DCDC2C: variants seen among roughly 807,000 people sequenced by gnomAD.
The protein encoded by DCDC2C is doublecortin domain containing 2C.
In DCDC2C, 44 loss-of-function variants were observed where a neutral mutation model predicts 45.0. The ratio of observed to expected loss-of-function variants is 0.98; its 90% CI spans 0.77 to 1.26. The LOEUF is 1.26. DCDC2C is among the 50% of genes most tolerant of loss of function. DCDC2C has a pLI of 0.00. For missense variants in DCDC2C, 447 were observed against 468.9 expected (o/e 0.95, Z 0.43); for synonymous variants, 187 against 178.8 (o/e 1.05, Z -0.37).
chr2:3,748,669 C>T (rs961375446), intron 4 of DCDC2C, among the ~76,000 whole-genome samples: 4 of 152,206 alleles, frequency 2.6e-5, no homozygotes, highest in East Asian at 1.9e-4. Flanking sequence ...ATGGTATTGA[C>T]GGTTGAGGTG....
chr2:3,721,893 G>A (rs1263965575), intron 2 of DCDC2C, among the ~76,000 whole-genome samples: 1 of 152,190 alleles, frequency 6.6e-6, no homozygotes, highest in Non-Finnish European at 1.5e-5. Flanking sequence ...CTCCATGATT[G>A]TGAGGCCTCC....
chr2:3,720,950 C>G (rs1668482632), intron 2 of DCDC2C, among the ~76,000 whole-genome samples: 1 of 152,070 alleles, frequency 6.6e-6, no homozygotes, highest in Non-Finnish European at 1.5e-5. Context: ...AAATATAGGG[C>G]TCTTCAGGTT....
intron 10 of DCDC2C, among the ~76,000 whole-genome samples, chr2:3,824,366 C>A (rs1671766256): frequency 6.6e-6 from 1 of 152,198 alleles, no homozygotes; most frequent in African/African-American, 2.4e-5. Flanking sequence ...TGTTTTATTG[C>A]AGACATAGAC....
chr2:3,804,633 C>T (rs1671189384), intron 10 of DCDC2C, among the ~76,000 whole-genome samples: 1 of 152,198 alleles, frequency 6.6e-6, no homozygotes, highest in Non-Finnish European at 1.5e-5. Context: ...AAAAAGATCT[C>T]ATTTCCTTTA....
intron 10 of DCDC2C, among the ~76,000 whole-genome samples, chr2:3,826,945 C>T (rs536222123): frequency 5.9e-5 from 9 of 152,044 alleles, no homozygotes; most frequent in Non-Finnish European, 1.2e-4. Flanking sequence ...CCTTCCCTGC[C>T]TCCCTCCCTC....
chr2:3,824,087 G>A (rs760377173), intron 10 of DCDC2C, among the ~76,000 whole-genome samples: 2 of 152,192 alleles, frequency 1.3e-5, no homozygotes, highest in Non-Finnish European at 2.9e-5. Flanking sequence ...GCTCACTCCC[G>A]GTCTGAAGTT....
At chr2:3,785,189 C>T (rs551958160) in intron 10 of DCDC2C, 89 bp downstream of exon 10, 4 of 1,033,530 alleles carry the variant, frequency 3.9e-6, no homozygotes. Flanking sequence ...CAAATCTTCT[C>T]AGGTGCTTTT....
At position 3,742,062 on chromosome 2, in the gene DCDC2C, C is replaced by T. The variant is rs533719756; in HGVS notation, c.545+14C>T. 123 of 1,524,754 alleles carry T rather than the reference C, an allele frequency of 8.1e-5. No individual in the cohort carries two copies. The highest frequency in any genetic ancestry group is 4.9e-4 in the African/African-American group (35 of 71,892). 94.5% of individuals were successfully genotyped at this position (1,524,754 alleles called of 1,614,324 possible). The stretch of plus-strand genomic sequence containing the variant: ...AGGCGTTCGGAAGTAAGGAGACTCT[C>T]GCCTTTAGGACAGCCAGGGGGCGGC... On this transcript the variant is annotated intron_variant, in intron 4 of 10. Coordinates refer to ENST00000399143, the MANE Select transcript of DCDC2C (RefSeq NM_001287444.2).
At chr2:3,811,142 G>A (rs1671380795) in intron 10 of DCDC2C, among the ~76,000 whole-genome samples, 1 of 152,082 alleles carries the variant, frequency 6.6e-6, no homozygotes, top group Non-Finnish European at 1.5e-5. Flanking sequence ...TTGATGAGAA[G>A]GGCATTGAAT....
chr2:3,805,856 C>T (rs1246611519), intron 10 of DCDC2C, among the ~76,000 whole-genome samples: 1 of 152,174 alleles, frequency 6.6e-6, no homozygotes, highest in Non-Finnish European at 1.5e-5. Flanking sequence ...TCTGATGTCC[C>T]TGTGATTAAT....
chr2:3,720,240 TG>T (rs1327999858), intron 2 of DCDC2C, among the ~76,000 whole-genome samples: 2 of 152,234 alleles, frequency 1.3e-5, no homozygotes, highest in African/African-American at 4.8e-5. Flanking sequence ...GGTAAGGGTC[TG>T]TGAGGACGTA....
At position 3,716,483 on chromosome 2, in the gene DCDC2C, G is replaced by A. The variant is rs139542011; in HGVS notation, c.339+7883G>A. Among the ~76,000 whole-genome samples, 348 of 152,294 alleles carry A rather than the reference G, an allele frequency of 2.3e-3. 5 individuals carry two copies. The highest frequency in any genetic ancestry group is 7.7e-3 in the African/African-American group (322 of 41,558). On this transcript the variant is annotated intron_variant, in intron 2 of 10. Coordinates refer to ENST00000399143, the MANE Select transcript of DCDC2C (RefSeq NM_001287444.2). ...CATTGGATTTAGTAATATGGAGGTC[G>A]TGGGCAGAAAAGAATAGAAGAGAGA...
intron 9 of DCDC2C, 28 bp downstream of exon 9, chr2:3,778,912 G>A (rs1172074338): frequency 6.6e-5 from 102 of 1,545,346 alleles, no homozygotes; most frequent in Non-Finnish European, 8.8e-5. Context: ...TGTGTTTAAT[G>A]GCTTGGATCT....
intron 6 of DCDC2C, among the ~76,000 whole-genome samples, chr2:3,764,925 C>G (rs937690178): frequency 2.0e-5 from 3 of 152,194 alleles, no homozygotes; most frequent in African/African-American, 7.2e-5. Flanking sequence ...GATGAAAATA[C>G]TATATCAGAT....
chr2:3,753,680 G>A (rs561873102), intron 5 of DCDC2C, among the ~76,000 whole-genome samples: 1 of 152,256 alleles, frequency 6.6e-6, no homozygotes, highest in African/African-American at 2.4e-5. Flanking sequence ...TATCCTTTAG[G>A]TTTTGTGGTA....
chr2:3,718,682 G>A (rs536326002), intron 2 of DCDC2C, among the ~76,000 whole-genome samples: 51 of 152,292 alleles, frequency 3.3e-4, no homozygotes, highest in African/African-American at 1.2e-3. Flanking sequence ...CCCTCACTGA[G>A]CATACACTCT....
intron 9 of DCDC2C, 46 bp from the exon 10 acceptor site, chr2:3,785,013 A>G (rs1670613106): frequency 8.3e-7 from 1 of 1,211,112 alleles, no homozygotes; most frequent in African/African-American, 1.6e-5. Context: ...ATTTTACAAC[A>G]TCCTTCTTGC....
Position 3,787,052 on chromosome 2 carries a change from A to G in DCDC2C, c.1065+1952A>G, listed in dbSNP as rs17018022. Among the ~76,000 whole-genome samples the G allele has an allele frequency of 9.3e-3, 1,413 of 152,286 alleles. 27 individuals carry two copies. The highest frequency in any genetic ancestry group is 0.032 in the African/African-American group (1,346 of 41,538). On this transcript the variant is annotated intron_variant, in intron 10 of 10. Coordinates refer to ENST00000399143, the MANE Select transcript of DCDC2C (RefSeq NM_001287444.2). ...TCCCTTGTTGAAATCAGTGTAATCCATTTGTTATGTGGCATTCCATCCTCT... is the reference window on the plus strand; with the variant it reads ...TCCCTTGTTGAAATCAGTGTAATCCGTTTGTTATGTGGCATTCCATCCTCT...
At chr2:3,772,398 G>A (rs879340714) in intron 8 of DCDC2C, among the ~76,000 whole-genome samples, 5 of 152,208 alleles carry the variant, frequency 3.3e-5, no homozygotes, top group Non-Finnish European at 5.9e-5. Context: ...TTTACGATTT[G>A]TGATGATAAA....
Sources: gnomAD v4.1 joint callset for allele counts (sites outside exome capture counted in the v4.1 genomes callset) on GRCh38, gnomAD v4.1.1 for gene constraint, MANE v1.5 for transcripts, NCBI Gene and HGNC (gene_info 2026-07-23, HGNC 2026-07-21) for gene names.